The following SPECC1 variants were observed in gnomAD, a reference collection of about 807,000 sequenced individuals.
SPECC1 encodes the protein sperm antigen with calponin homology and coiled-coil domains 1.
A neutral mutation model predicts 104.1 loss-of-function variants in SPECC1; 62 were observed. The observed-to-expected ratio is 0.60, with a 90% confidence interval of 0.49 to 0.74. SPECC1 has a LOEUF of 0.74. SPECC1 is among the 30% of genes least tolerant of loss of function. The pLI is 0.00. For missense variants in SPECC1, 1,306 were observed against 1,310.5 expected (o/e 1.00, Z 0.05); for synonymous variants, 513 against 501.6 (o/e 1.02, Z -0.30).
intron 3 of SPECC1, among the ~76,000 whole-genome samples, chr17:20,160,148 G>GT (rs142373182): frequency 0.053 from 7,999 of 152,272 alleles, 291 homozygotes; most frequent in Non-Finnish European, 0.079. Context: ...ATTAGTTATA[G>GT]TTAATGCTAA....
chr17:20,169,458 T>A (rs1393697156), intron 3 of SPECC1, among the ~76,000 whole-genome samples: 1 of 152,200 alleles, frequency 6.6e-6, no homozygotes, highest in African/African-American at 2.4e-5. Flanking sequence ...GATAGAATGA[T>A]TTGATGGATT....
chr17:20,266,579 G>A (rs761368222), intron 12 of SPECC1, among the ~76,000 whole-genome samples: 17 of 152,060 alleles, frequency 1.1e-4, no homozygotes, highest in Admixed American at 2.0e-4. Context: ...GCAAGACTCC[G>A]TCTCAAAAAA....
At chr17:20,305,965 T>C in intron 13 of SPECC1, 58 bp from the exon 14 acceptor site, 1 of 1,493,620 alleles carries the variant, frequency 6.7e-7, no homozygotes, top group Non-Finnish European at 9.3e-7. Flanking sequence ...TATTCTTTCC[T>C]GGCAAAAGCT....
At chr17:20,099,041 CTG>C (rs1434317980) in intron 2 of SPECC1, among the ~76,000 whole-genome samples, 1 of 152,174 alleles carries the variant, frequency 6.6e-6, no homozygotes, top group Non-Finnish European at 1.5e-5. Context: ...CACTTCCCCA[CTG>C]TGAAGCTGCA....
chr17:20,265,776 G>A (rs899983979), intron 12 of SPECC1, among the ~76,000 whole-genome samples: 8 of 152,314 alleles, frequency 5.3e-5, no homozygotes, highest in Admixed American at 3.9e-4. Flanking sequence ...TATATGTAGT[G>A]ACAGGTAGAG....
intron 12 of SPECC1, among the ~76,000 whole-genome samples, chr17:20,266,500 C>T (rs1473072504): frequency 3.9e-5 from 6 of 152,286 alleles, no homozygotes; most frequent in East Asian, 3.9e-4. Flanking sequence ...AGGGGAATGG[C>T]GTGAACCCGG....
intron 3 of SPECC1, chr17:20,112,658 A>G (rs1180484739): frequency 2.2e-6 from 2 of 928,626 alleles, no homozygotes; most frequent in Non-Finnish European, 3.6e-6. Context: ...GGGAGTCAAG[A>G]CACTCTGTTC....
At chr17:20,081,170 T>C (rs115234709) in intron 1 of SPECC1, among the ~76,000 whole-genome samples, 220 of 152,052 alleles carry the variant, frequency 1.4e-3, no homozygotes, top group African/African-American at 5.2e-3. Flanking sequence ...TTTTCCCAAT[T>C]GATATCTGGT....
At chr17:20,168,011 A>G (rs2033800728) in intron 3 of SPECC1, among the ~76,000 whole-genome samples, 1 of 152,228 alleles carries the variant, frequency 6.6e-6, no homozygotes. Context: ...GCTGAATGCA[A>G]ATATAGCCAA....
intron 3 of SPECC1, among the ~76,000 whole-genome samples, chr17:20,196,881 C>T (rs560613250): frequency 2.6e-4 from 39 of 152,244 alleles, no homozygotes; most frequent in Middle Eastern, 3.4e-3. Context: ...TTTATTTTAT[C>T]AGTAATTTTT....
intron 3 of SPECC1, chr17:20,111,931 C>T: frequency 1.3e-6 from 1 of 790,642 alleles, no homozygotes; most frequent in South Asian, 1.3e-5. Flanking sequence ...GTAAACTTGG[C>T]ATAAAAGCCA....
intron 13 of SPECC1, among the ~76,000 whole-genome samples, chr17:20,299,410 A>G (rs933698920): frequency 1.1e-4 from 17 of 151,830 alleles, no homozygotes; most frequent in African/African-American, 3.9e-4. Context: ...TTTTTTTTCA[A>G]TTAGCTGAGC....
At chr17:20,161,798 CT>C (rs200231490) in intron 3 of SPECC1, among the ~76,000 whole-genome samples, 175 of 141,518 alleles carry the variant, frequency 1.2e-3, no homozygotes, top group Middle Eastern at 3.8e-3. Flanking sequence ...TTTTTTCTTT[CT>C]TTTTTTTTTT....
intron 3 of SPECC1, among the ~76,000 whole-genome samples, chr17:20,133,412 T>A (rs963991224): frequency 6.6e-6 from 1 of 152,158 alleles, no homozygotes; most frequent in East Asian, 1.9e-4. Context: ...ACTAGCTCCC[T>A]TAATAGAATC....
chr17:20,233,399 C>A (rs972793648), intron 7 of SPECC1, among the ~76,000 whole-genome samples: 1 of 152,212 alleles, frequency 6.6e-6, no homozygotes, highest in Non-Finnish European at 1.5e-5. Context: ...TGTGATTCTC[C>A]TGTCAATTCT....
intron 7 of SPECC1, among the ~76,000 whole-genome samples, chr17:20,234,174 T>A (rs1451992140): frequency 3.3e-5 from 5 of 152,212 alleles, no homozygotes; most frequent in African/African-American, 4.8e-5. Context: ...CGTTTTTTTT[T>A]AAGCACAGAA....
At position 20,260,713 on chromosome 17, in the gene SPECC1, G is replaced by A. The variant is rs563289269; in HGVS notation, c.2940+419G>A. Among the ~76,000 whole-genome samples the A allele has an allele frequency of 2.6e-5, 4 of 152,338 alleles. No individual in the cohort carries two copies. In the South Asian group the frequency reaches 6.2e-4, roughly 24 times the overall value. ...CAGGCATGAGGGAGGAAGCACGGGA[G>A]AGGGAGGATTCTCTGGCTGACTCCT... On this transcript the variant is annotated intron_variant, in intron 12 of 14. Coordinates refer to ENST00000395527, the MANE Select transcript of SPECC1 (RefSeq NM_001243439.2).
At chr17:20,150,964 T>C (rs575018148) in intron 3 of SPECC1, among the ~76,000 whole-genome samples, 2 of 152,310 alleles carry the variant, frequency 1.3e-5, no homozygotes, top group East Asian at 3.9e-4. Flanking sequence ...ATTATTTTAT[T>C]GTTTATGCCT....
chr17:20,265,135 A>G (rs906763018), intron 12 of SPECC1, among the ~76,000 whole-genome samples: 4 of 152,308 alleles, frequency 2.6e-5, no homozygotes, highest in Admixed American at 6.5e-5. Context: ...ATACCTAGTC[A>G]TGGGATTGCT....
Sources: allele counts gnomAD v4.1 joint callset (sites outside exome capture counted in the v4.1 genomes callset), GRCh38; gene constraint gnomAD v4.1.1; transcripts MANE v1.5; gene names NCBI Gene and HGNC (gene_info 2026-07-23, HGNC 2026-07-21).